The following SUN2 variants were observed in gnomAD, a reference collection of about 807,000 sequenced individuals.
SUN2 encodes the protein Sad1 and UNC84 domain containing 2, also known as SUN domain-containing protein 2.
Under a neutral mutation model 100.0 loss-of-function variants are expected in SUN2, and 60 were observed. The ratio of observed to expected loss-of-function variants is 0.60; its 90% CI spans 0.49 to 0.74. The LOEUF is 0.74. Ranked by LOEUF, SUN2 falls within the 30% of genes least tolerant of loss-of-function variation. The pLI is 0.00. For synonymous variants in SUN2, 367 were observed against 403.3 expected (o/e 0.91, Z 1.08); for missense variants, 834 against 954.6 (o/e 0.87, Z 1.66).
chr22:38,737,093 CG>C lies in SUN2; in HGVS notation c.2041-714del, dbSNP rs2092812335. 7.2e-5 allele frequency among the ~76,000 whole-genome samples: 11 copies of C among 152,218 alleles called. No individual in the cohort carries two copies. The highest frequency in any genetic ancestry group is 2.4e-4 in the African/African-American group (10 of 41,466). Reference sequence around the variant, plus strand: ...AACTCCTGGGCTCAAGCAATCCCCTCGCCTTGGCCTTGCAAAGTGCTGGAAT... The same window carrying C: ...AACTCCTGGGCTCAAGCAATCCCCTCCCTTGGCCTTGCAAAGTGCTGGAAT... On this transcript the variant is annotated intron_variant, in intron 17 of 17. Coordinates refer to ENST00000689035, the MANE Select transcript of SUN2 (RefSeq NM_015374.3). The surrounding 1 kb of genome is among the most constrained non-coding windows in gnomAD (Gnocchi z 4.1).
At position 38,738,765 on chromosome 22, in the gene SUN2, A is replaced by G. The variant is rs1288053063; in HGVS notation, c.1780-11T>C. On this transcript the variant is annotated splice_polypyrimidine_tract_variant and intron_variant, in intron 15 of 17. Transcript: ENST00000689035. The surrounding 1 kb of genome is among the most constrained non-coding windows in gnomAD (Gnocchi z 6.6). ...TGGGTGCACATCTGGCTGGAGGAGCAGAAAGTCATGTCAGGACAGGGCCCT... is the reference window on the plus strand; with the variant it reads ...TGGGTGCACATCTGGCTGGAGGAGCGGAAAGTCATGTCAGGACAGGGCCCT... 6.2e-7 allele frequency: 1 copy of G among 1,612,696 alleles called. No individual in the cohort carries two copies. Among genetic ancestry groups the G allele is most frequent in the Non-Finnish European group, 8.5e-7 (1 of 1,179,422 alleles).
At chr22:38,744,496 G>A (rs145630954) in intron 8 of SUN2, among the ~76,000 whole-genome samples, 131 of 152,206 alleles carry the variant, frequency 8.6e-4, no homozygotes, top group Admixed American at 2.7e-3. Context: ...CAGGAGGATC[G>A]CTTGAGCCCA....
intron 6 of SUN2, among the ~76,000 whole-genome samples, 180 bp downstream of exon 6, chr22:38,749,586 G>A (rs2092927709): frequency 6.6e-6 from 1 of 152,208 alleles, no homozygotes; most frequent in Admixed American, 6.5e-5. Flanking sequence ...ACCTGACTCT[G>A]AGTCCATCCT....
intron 2 of SUN2, 193 bp from the exon 3 acceptor site, chr22:38,751,566 C>T (rs1603230609): frequency 5.0e-6 from 3 of 598,626 alleles, no homozygotes; most frequent in Non-Finnish European, 8.7e-6. Flanking sequence ...TGAATCTCAC[C>T]AGCAGATGGG....
At chr22:38,744,558 A>T (rs922384647) in intron 8 of SUN2, among the ~76,000 whole-genome samples, 1 of 152,242 alleles carries the variant, frequency 6.6e-6, no homozygotes, top group Non-Finnish European at 1.5e-5. Context: ...TGCAGCCTGG[A>T]CAACAGAATG....
rs756494197 is a variant in SUN2, at chr22:38,749,790, A to C, written c.590T>G (p.Leu197Arg). The change falls in exon 6 of 18, where the codon CTC becomes CGC. Residue 197 changes from leucine (L) to arginine (R), a missense_variant. Around this residue, in one of 3 missense-constraint regions of SUN2, gnomAD observed 559 missense variants for 597.7 expected, o/e 0.94. Coordinates refer to ENST00000689035, the MANE Select transcript of SUN2 (RefSeq NM_015374.3). ...TWYRLTTAAS[L>R]LDVFVLTRRF... ...CCTGGTTAAAACGAAGACGTCAAGG[A>C]GGGAGGCAGCTGTGGTCAGGCGGTA... is the stretch of plus-strand genomic sequence containing the variant. 1.9e-6 allele frequency: 3 copies of C among 1,613,990 alleles called. No individual in the cohort carries two copies. The East Asian group carries it at 6.7e-5, about 36-fold the overall frequency.
intron 9 of SUN2, among the ~76,000 whole-genome samples, 153 bp downstream of exon 9, chr22:38,742,148 G>GA (rs369861899): frequency 0.015 from 1,909 of 127,668 alleles, 28 homozygotes; most frequent in African/African-American, 0.039. Context: ...GTCTCAAAAA[G>GA]AAAAAAAAAA....
Position 38,738,033 on chromosome 22 carries a change from T to C in SUN2, c.2040+140A>G. 1 of 790,572 alleles carries C rather than the reference T, an allele frequency of 1.3e-6. No homozygotes were observed. The highest frequency in any genetic ancestry group is 1.9e-5 in the Admixed American group (1 of 51,852). 49.0% of individuals were successfully genotyped at this position (790,572 alleles called of 1,614,324 possible). A position where few individuals can be genotyped will look rare whatever the true frequency, so the allele number is the denominator to read the frequency against. Reference sequence around the variant, plus strand: ...GGATGCGTGTTACACCCCATTTGGATATCACATCTTGAGCTGTGGGAAAGG... The same window carrying C: ...GGATGCGTGTTACACCCCATTTGGACATCACATCTTGAGCTGTGGGAAAGG... On this transcript the variant is annotated intron_variant, in intron 17 of 17. Coordinates refer to ENST00000689035, the MANE Select transcript of SUN2 (RefSeq NM_015374.3). This position sits in a 1 kb window ranked among gnomAD's most constrained non-coding sequence, Gnocchi z 6.6.
Position 38,739,011 on chromosome 22 carries a change from G to T in SUN2, c.1664-23C>A. On this transcript the variant is annotated intron_variant, in intron 14 of 17. Transcript: ENST00000689035. The surrounding 1 kb of genome is among the most constrained non-coding windows in gnomAD (Gnocchi z 6.7). ...CCCCTGAGACAGGAGAGGAAGGCAGGGTGGGCTCCCGCACGGGAGGAGGGC... is the reference window on the plus strand; with the variant it reads ...CCCCTGAGACAGGAGAGGAAGGCAGTGTGGGCTCCCGCACGGGAGGAGGGC... The T allele has an allele frequency of 6.3e-7, 1 of 1,594,602 alleles. No homozygotes were observed. Among genetic ancestry groups the T allele is most frequent in the South Asian group, 1.1e-5 (1 of 88,506 alleles).
In SUN2 at chr22:38,739,172, G is replaced by A. The variant is rs555970591; in HGVS notation, c.1663+170C>T. 2.7e-5 allele frequency: 24 copies of A among 900,038 alleles called. No homozygotes were observed. In the East Asian group the frequency reaches 2.9e-4, roughly 11 times the overall value. 55.8% of individuals were successfully genotyped at this position (900,038 alleles called of 1,614,324 possible). On this transcript the variant is annotated intron_variant, in intron 14 of 17. Transcript: ENST00000689035. This position sits in a 1 kb window ranked among gnomAD's most constrained non-coding sequence, Gnocchi z 6.7. ...CCTGGCCCAGGATGGTACTCGGTAC[G>A]TCCTGACTTCCCTGAATTGCCACTT...
At position 38,737,603 on chromosome 22, in the gene SUN2, G is replaced by A. The variant is rs553909207; in HGVS notation, c.2040+570C>T. ...CCTCCTCTTCCTGCCACTGTCCCTC[G>A]TCCACCTCCCACTATCCCGCCAACC... On this transcript the variant is annotated intron_variant, in intron 17 of 17. Transcript: ENST00000689035. This position sits in a 1 kb window ranked among gnomAD's most constrained non-coding sequence, Gnocchi z 4.1. 1.3e-5 allele frequency among the ~76,000 whole-genome samples: 2 copies of A among 151,974 alleles called. No homozygotes were observed. Among genetic ancestry groups the A allele is most frequent in the South Asian group, 4.2e-4 (2 of 4,800 alleles).
At chr22:38,752,759 C>T (rs2092956617) in intron 1 of SUN2, 94 bp from the exon 2 acceptor site, 15 of 1,387,712 alleles carry the variant, frequency 1.1e-5, no homozygotes, top group South Asian at 4.1e-5. Flanking sequence ...GCCTCACAGC[C>T]GAGAACAGAC....
intron 10 of SUN2, 124 bp downstream of exon 10, chr22:38,741,370 A>G: frequency 1.0e-6 from 1 of 994,298 alleles, no homozygotes; most frequent in South Asian, 1.4e-5. Context: ...AAGTCAGAGG[A>G]GGGCACTCCC....
rs759757490 is a variant in SUN2 at position 38,745,698 on chromosome 22, A to G, written c.799T>C (p.Ser267Pro). 4.3e-6 allele frequency: 7 copies of G among 1,613,604 alleles called. No homozygotes were observed. The highest frequency in any genetic ancestry group is 3.3e-5 in the Admixed American group (2 of 60,006). Residue 267 changes from serine (S) to proline (P), a missense_variant, in exon 8 of 18, where the codon TCG becomes CCG. This residue lies in a region of SUN2 where 559 missense variants were observed against 597.7 expected (regional missense o/e 0.94). Coordinates refer to ENST00000689035, the MANE Select transcript of SUN2 (RefSeq NM_015374.3). ...CAGAGACTCACCTGGAAATGTGGCGATGAGTCTCTGGCTTCCCAGCCCTCA... is the reference window on the plus strand; with the variant it reads ...CAGAGACTCACCTGGAAATGTGGCGGTGAGTCTCTGGCTTCCCAGCCCTCA... ...PDEGWEARDS[S>P]PHFQAEQRVM...
chr22:38,752,540 C>T lies in SUN2; in HGVS notation c.89G>A (p.Ser30Asn). 6.2e-7 allele frequency: 1 copy of T among 1,613,916 alleles called. No individual in the cohort carries two copies. The highest frequency in any genetic ancestry group is 8.5e-7 in the Non-Finnish European group (1 of 1,179,846). The change falls in exon 2 of 18, where the codon AGT becomes AAT. Residue 30 changes from serine to asparagine, a missense_variant. Around this residue, in one of 3 missense-constraint regions of SUN2, gnomAD observed 559 missense variants for 597.7 expected, o/e 0.94. Coordinates refer to ENST00000689035, the MANE Select transcript of SUN2 (RefSeq NM_015374.3). ...SSSGGSSVAG[S>N]QSTLFKDSPL... ...ACTGTCTTTAAACAGGGTGCTCTGA[C>T]TCCCAGCCACCGAGCTCCCTCCGCT...
At position 38,739,370 on chromosome 22, in the gene SUN2, C is replaced by A; in HGVS notation, c.1635G>T (p.Gly545=). Residue 545 remains glycine, a synonymous_variant, in exon 14 of 18, where the codon GGG becomes GGT. Transcript: ENST00000689035. The surrounding 1 kb of genome is among the most constrained non-coding windows in gnomAD (Gnocchi z 6.7). ...CTGACTCCAGGGCGTAGTCTGCCAG[C>A]CCGATGCGGTCCTCACTGTAGCGCT... ...ALQRYSEDRI[G]LADYALESGG... 6.2e-7 allele frequency: 1 copy of A among 1,613,144 alleles called. No individual in the cohort carries two copies. Among genetic ancestry groups the A allele is most frequent in the Non-Finnish European group, 8.5e-7 (1 of 1,180,022 alleles).
Position 38,738,293 on chromosome 22 carries a change from A to AG in SUN2, c.1948-29dup. ...GCAAAGAGAGCGGAGGGAAGTGGGG[A>AG]GGGGCTGGAGCAGGGAGAACACCCC... On this transcript the variant is annotated intron_variant, in intron 16 of 17. Coordinates refer to ENST00000689035, the MANE Select transcript of SUN2 (RefSeq NM_015374.3). This position sits in a 1 kb window ranked among gnomAD's most constrained non-coding sequence, Gnocchi z 6.6. 6.3e-7 allele frequency: 1 copy of AG among 1,596,096 alleles called. No individual in the cohort carries two copies. The highest frequency in any genetic ancestry group is 8.6e-7 in the Non-Finnish European group (1 of 1,165,366).
rs2092826196 is a variant in SUN2 at position 38,738,442 on chromosome 22, G to C, written c.1947+145C>G. 2 of 1,205,656 alleles carry C rather than the reference G, an allele frequency of 1.7e-6. No homozygotes were observed. Among genetic ancestry groups the C allele is most frequent in the Non-Finnish European group, 2.4e-6 (2 of 850,148 alleles). 74.7% of individuals were successfully genotyped at this position (1,205,656 alleles called of 1,614,324 possible). On this transcript the variant is annotated intron_variant, in intron 16 of 17. Transcript: ENST00000689035. This position sits in a 1 kb window ranked among gnomAD's most constrained non-coding sequence, Gnocchi z 6.6. ...AAAGCCTAAGGTAACAGGGACTGAA[G>C]TGCTGTCTCCCACCCTAGCTCCTCC...
intron 7 of SUN2, among the ~76,000 whole-genome samples, 186 bp downstream of exon 7, chr22:38,748,527 C>T (rs1269550706): frequency 1.3e-5 from 2 of 152,142 alleles, no homozygotes; most frequent in East Asian, 1.9e-4. Flanking sequence ...CTGCCCAGGG[C>T]GGCACAAAAG....
Sources: allele counts gnomAD v4.1 joint callset (sites outside exome capture counted in the v4.1 genomes callset), GRCh38; gene constraint gnomAD v4.1.1; regional missense constraint gnomAD v4.1.1; non-coding constraint Gnocchi (gnomAD v3.1); transcripts MANE v1.5; gene names NCBI Gene and HGNC (gene_info 2026-07-23, HGNC 2026-07-21).